Variants in SPTBN4 observed in about 807,000 individuals in gnomAD.
The protein encoded by SPTBN4 is spectrin beta chain, non-erythrocytic 4.
SPTBN4 carries 96 observed loss-of-function variants against 277.8 expected under a neutral mutation model. The ratio of observed to expected loss-of-function variants is 0.35; its 90% CI spans 0.29 to 0.41. SPTBN4 has a LOEUF of 0.41. Ranked by LOEUF, SPTBN4 falls within the 10% of genes least tolerant of loss-of-function variation. The pLI is 1.00. For synonymous variants in SPTBN4, 1,481 were observed against 1,580.3 expected, an observed-to-expected ratio of 0.94 and a Z score of 1.49; for missense variants, 3,006 against 3,595.7, an observed-to-expected ratio of 0.84 and a Z score of 4.19.
chr19:40,534,509 A>C lies in SPTBN4; in HGVS notation c.4359+166A>C, dbSNP rs796605280. On this transcript the variant is annotated intron_variant, in intron 20 of 35. Transcript: ENST00000598249. ...TATTGAAGCAATCCAGCTAGTAATA[A>C]CTGTTGGAAGCAGCCACCACTCCCT... 14 of 933,940 alleles carry C rather than the reference A, an allele frequency of 1.5e-5. No homozygotes were observed. The African/African-American group carries it at 2.2e-4, about 14-fold the overall frequency. 57.9% of individuals were successfully genotyped at this position (933,940 alleles called of 1,614,324 possible). A position where few individuals can be genotyped will look rare whatever the true frequency, so the allele number is the denominator to read the frequency against.
chr19:40,513,544 G>T lies in SPTBN4; in HGVS notation c.2755G>T (p.Val919Leu). The change falls in exon 14 of 36, where the codon GTG becomes TTG. Residue 919 changes from valine (V) to leucine (L), a missense_variant. By Grantham distance (32) the Val-to-Leu change is conservative. Transcript: ENST00000598249. ...GGATTCACTCGACGACGTCGAGGTG[G>T]TGCAGCACCGGTGAGCGCGCACATG... ...VPDSLDDVEV[V>L]QHRFESLDQE... The T allele has an allele frequency of 6.3e-7, 1 of 1,576,336 alleles. No homozygotes were observed. Among genetic ancestry groups the T allele is most frequent in the East Asian group, 2.3e-5 (1 of 43,446 alleles).
Position 40,557,364 on chromosome 19 carries a change from G to A in SPTBN4, c.5631G>A (p.Leu1877=), listed in dbSNP as rs1430108060. The A allele has an allele frequency of 1.3e-6, 2 of 1,598,394 alleles. No homozygotes were observed. The highest frequency in any genetic ancestry group is 3.4e-5 in the Admixed American group (2 of 58,012). The change falls in exon 26 of 36, where the codon CTG becomes CTA. Residue 1877 remains leucine (L), a synonymous_variant. Coordinates refer to ENST00000598249, the MANE Select transcript of SPTBN4 (RefSeq NM_020971.3). ...GTGCCAGTTCCATGCAGCGGACCCTGAGAGCCTTTGAGCATGACCTGCAGC... is the reference window on the plus strand; with the variant it reads ...GTGCCAGTTCCATGCAGCGGACCCTAAGAGCCTTTGAGCATGACCTGCAGC... The part of the protein sequence containing the change: ...RPSASSMQRT[L]RAFEHDLQLL...
chr19:40,569,957 C>G (rs1048366019), intron 32 of SPTBN4, among the ~76,000 whole-genome samples: 1 of 148,458 alleles, frequency 6.7e-6, no homozygotes, highest in South Asian at 2.1e-4. Context: ...CACACACACA[C>G]ACACACACAC....
In SPTBN4 at chr19:40,529,046, A is replaced by T; in HGVS notation, c.3863A>T (p.Gln1288Leu). Reference sequence around the variant, plus strand: ...CCTTATCTCCCCATCCCCAGGAACCAAGAAAACCAGTTACGGGCCCAGCAA... The same window carrying T: ...CCTTATCTCCCCATCCCCAGGAACCTAGAAAACCAGTTACGGGCCCAGCAA... ...EAVTRLLEKN[Q>L]ENQLRAQQWM... The change falls in exon 18 of 36, where the codon CAA (glutamine) becomes CTA (leucine). Residue 1288 changes from glutamine (Q) to leucine (L), a missense_variant. This residue lies in a region of SPTBN4 where 1,759 missense variants were observed against 2,061.5 expected (regional missense o/e 0.85). Transcript: ENST00000598249. 1 of 1,613,840 alleles carries T rather than the reference A, an allele frequency of 6.2e-7. No homozygotes were observed. Among genetic ancestry groups the T allele is most frequent in the Non-Finnish European group, 8.5e-7 (1 of 1,179,870 alleles).
chr19:40,513,040 G>A lies in SPTBN4; in HGVS notation c.2251G>A (p.Ala751Thr). The change falls in exon 14 of 36, where the codon GCC becomes ACC. Residue 751 changes from alanine to threonine, a missense_variant. Ala to Thr is a moderately conservative substitution (Grantham distance 58, BLOSUM62 0). Coordinates refer to ENST00000598249, the MANE Select transcript of SPTBN4 (RefSeq NM_020971.3). ...AGGCCTGGCGGAGCGCGCGGCGAGCGCCCGGCGCCGCTGGCAGAGGCTGGA... is the reference window on the plus strand; with the variant it reads ...AGGCCTGGCGGAGCGCGCGGCGAGCACCCGGCGCCGCTGGCAGAGGCTGGA... ...LVGLAERAAS[A>T]RRRWQRLEEA... 3 of 1,420,622 alleles carry A rather than the reference G, an allele frequency of 2.1e-6. No individual in the cohort carries two copies. Among genetic ancestry groups the A allele is most frequent in the Admixed American group, 3.1e-5 (1 of 32,500 alleles). 88.0% of individuals were successfully genotyped at this position (1,420,622 alleles called of 1,614,324 possible).
intron 33 of SPTBN4, 88 bp from the exon 34 acceptor site, chr19:40,571,931 C>T (rs2081159142): frequency 7.0e-7 from 1 of 1,422,108 alleles, no homozygotes; most frequent in African/African-American, 1.4e-5. Flanking sequence ...TAGGAAGGCT[C>T]AGACATATTC....
chr19:40,493,599 G>T (rs564668680), intron 5 of SPTBN4, among the ~76,000 whole-genome samples: 9 of 152,130 alleles, frequency 5.9e-5, no homozygotes, highest in Non-Finnish European at 7.4e-5. Flanking sequence ...GTCTGTAGTC[G>T]TAGCTTCTCA....
intron 2 of SPTBN4, among the ~76,000 whole-genome samples, chr19:40,474,290 G>T (rs1662290039): frequency 6.6e-6 from 1 of 151,534 alleles, no homozygotes; most frequent in Non-Finnish European, 1.5e-5. Flanking sequence ...GGAACCTTTG[G>T]GACTTGATAA....
intron 13 of SPTBN4, among the ~76,000 whole-genome samples, chr19:40,510,494 G>C (rs1002160105): frequency 6.6e-6 from 1 of 151,952 alleles, no homozygotes; most frequent in Non-Finnish European, 1.5e-5. Flanking sequence ...TGGTAGAGAT[G>C]GGGTTTTGCC....
chr19:40,530,478 C>A (rs907721503), intron 18 of SPTBN4: 36 of 978,962 alleles, frequency 3.7e-5, no homozygotes, highest in Non-Finnish European at 4.2e-5. Flanking sequence ...GGAGGGGGCG[C>A]GCGGCCGCCG....
At chr19:40,523,335 C>T (rs544412862) in intron 16 of SPTBN4, 102 bp from the exon 17 acceptor site, 5 of 1,146,942 alleles carry the variant, frequency 4.4e-6, no homozygotes, top group East Asian at 2.6e-5. Flanking sequence ...ATGTTCTATG[C>T]TTGCAAGGTT....
intron 6 of SPTBN4, among the ~76,000 whole-genome samples, chr19:40,495,316 C>T (rs1224044005): frequency 6.6e-6 from 1 of 152,146 alleles, no homozygotes; most frequent in Non-Finnish European, 1.5e-5. Context: ...CACTGTCATG[C>T]TGCTGTGTAC....
At chr19:40,559,296 G>T (rs2081018471) in intron 26 of SPTBN4, among the ~76,000 whole-genome samples, 2 of 152,144 alleles carry the variant, frequency 1.3e-5, no homozygotes, top group Non-Finnish European at 2.9e-5. Flanking sequence ...GTAATAAGTG[G>T]TGGATCTGTT....
At chr19:40,540,806 C>A (rs113141858) in intron 20 of SPTBN4, among the ~76,000 whole-genome samples, 18,237 of 120,382 alleles carry the variant, frequency 0.15, 1,397 homozygotes, top group Middle Eastern at 0.19. Context: ...AGAGTGAGAC[C>A]CCCATCTCAA....
chr19:40,554,276 G>A lies in SPTBN4; in HGVS notation c.4804G>A (p.Ala1602Thr), dbSNP rs1451328378. 16 of 1,535,906 alleles carry A rather than the reference G, an allele frequency of 1.0e-5. No homozygotes were observed. The East Asian group carries it at 1.2e-4, about 12-fold the overall frequency. The stretch of plus-strand genomic sequence containing the variant: ...CCGGGGCCTGGAGCAGCTGCAGAGC[G>A]CCTGGGCCGGACTGCGGGAGGCTGC... The part of the protein sequence containing the change: ...VRRGLEQLQS[A>T]WAGLREAAER... Residue 1602 changes from alanine to threonine, a missense_variant, in exon 23 of 36, where the codon GCC (alanine) becomes ACC (threonine). By Grantham distance (58) the Ala-to-Thr change is moderately conservative. This residue lies in a region of SPTBN4 where 1,759 missense variants were observed against 2,061.5 expected (regional missense o/e 0.85). Coordinates refer to ENST00000598249, the MANE Select transcript of SPTBN4 (RefSeq NM_020971.3). The surrounding 1 kb of genome is among the most constrained non-coding windows in gnomAD (Gnocchi z 5.7).
rs1393665116 is a variant in SPTBN4 at position 40,560,181 on chromosome 19, C to T, written c.5693C>T (p.Ala1898Val). The change falls in exon 27 of 36, where the codon GCG becomes GTG. Residue 1898 changes from alanine (A) to valine (V), a missense_variant. Physicochemically the swap from Ala to Val is moderately conservative, Grantham distance 64. This residue lies in a region of SPTBN4 where 425 missense variants were observed against 594.7 expected (regional missense o/e 0.71). Coordinates refer to ENST00000598249, the MANE Select transcript of SPTBN4 (RefSeq NM_020971.3). The surrounding 1 kb of genome is among the most constrained non-coding windows in gnomAD (Gnocchi z 5.2). ...CAGGTACGGCAGCTGCAGGAGGGGGCGGCCCAGCTGCGGACGGTGTATGCG... is the reference window on the plus strand; with the variant it reads ...CAGGTACGGCAGCTGCAGGAGGGGGTGGCCCAGCTGCGGACGGTGTATGCG... ...VSQVRQLQEG[A>V]AQLRTVYAGE... 7 of 1,598,678 alleles carry T rather than the reference C, an allele frequency of 4.4e-6. No individual in the cohort carries two copies. Among genetic ancestry groups the T allele is most frequent in the Admixed American group, 1.7e-5 (1 of 59,876 alleles).
chr19:40,493,068 C>G lies in SPTBN4; in HGVS notation c.587+14C>G, dbSNP rs1477864303. On this transcript the variant is annotated intron_variant, in intron 5 of 35. Transcript: ENST00000598249. ...GAAGACAGCTGGGTAAGCACCCCCACCACCTTCCTTAGGAGGTTAGGCAAG... is the reference window on the plus strand; with the variant it reads ...GAAGACAGCTGGGTAAGCACCCCCAGCACCTTCCTTAGGAGGTTAGGCAAG... The G allele has an allele frequency of 6.2e-7, 1 of 1,613,592 alleles. No homozygotes were observed.
intron 20 of SPTBN4, among the ~76,000 whole-genome samples, chr19:40,535,249 G>A (rs995214596): frequency 6.6e-6 from 1 of 151,988 alleles, no homozygotes; most frequent in Non-Finnish European, 1.5e-5. Context: ...ATAGAGACAG[G>A]GTCTCACCAT....
rs2080280872 is a variant in SPTBN4, at chr19:40,502,949, CT to C, written c.1362+18del. On this transcript the variant is annotated intron_variant, in intron 11 of 35. Coordinates refer to ENST00000598249, the MANE Select transcript of SPTBN4 (RefSeq NM_020971.3). The surrounding 1 kb of genome is among the most constrained non-coding windows in gnomAD (Gnocchi z 4.9). The stretch of plus-strand genomic sequence containing the variant: ...GGTCTCCCAGGTACAAGGTGTAGGG[CT>C]TGGCTCCAGGGTAAAGGGACGGAGG... 6.2e-7 allele frequency: 1 copy of C among 1,612,224 alleles called. No individual in the cohort carries two copies. Among genetic ancestry groups the C allele is most frequent in the South Asian group, 1.1e-5 (1 of 90,954 alleles).
Sources: allele counts gnomAD v4.1 joint callset (sites outside exome capture counted in the v4.1 genomes callset), GRCh38; gene constraint gnomAD v4.1.1; regional missense constraint gnomAD v4.1.1; non-coding constraint Gnocchi (gnomAD v3.1); transcripts MANE v1.5; gene names NCBI Gene and HGNC (gene_info 2026-07-23, HGNC 2026-07-21).